DPYD: variants seen among roughly 807,000 people sequenced by gnomAD.
DPYD encodes the protein dihydropyrimidine dehydrogenase [NADP(+)].
In DPYD, 109 loss-of-function variants were observed where a neutral mutation model predicts 116.2. The observed-to-expected ratio is 0.94, with a 90% CI of 0.80 to 1.10. The LOEUF (loss-of-function observed/expected upper bound fraction) is 1.10. Ranked by LOEUF, DPYD falls within the 50% of genes least tolerant of loss-of-function variation. The pLI, the probability that DPYD is intolerant of heterozygous loss-of-function variation, is 0.00. For missense variants in DPYD, 1,302 were observed against 1,254.5 expected (o/e 1.04, Z -0.57); for synonymous variants, 440 against 432.0 (o/e 1.02, Z -0.23).
At chr1:97,905,784 G>A (rs999413831) in intron 1 of DPYD, among the ~76,000 whole-genome samples, 2 of 151,938 alleles carry the variant, frequency 1.3e-5, no homozygotes, top group African/African-American at 4.8e-5. Context: ...GGAAAAATGA[G>A]GTAACTTTTG....
In DPYD at chr1:97,078,949, T is replaced by C; in HGVS notation, c.*27A>G. 6.2e-7 allele frequency: 1 copy of C among 1,612,976 alleles called. No individual in the cohort carries two copies. Among genetic ancestry groups the C allele is most frequent in the Non-Finnish European group, 8.5e-7 (1 of 1,179,096 alleles). On this transcript the variant is annotated 3_prime_UTR_variant, in exon 23 of 23. Coordinates refer to ENST00000370192, the MANE Select transcript of DPYD (RefSeq NM_000110.4). ...TCAGCATATGTAGGTGACATGAAAG[T>C]TCACAGCAACTGTTTCACAAATCAC...
chr1:97,757,564 C>T (rs1300945079), intron 3 of DPYD, among the ~76,000 whole-genome samples: 1 of 152,038 alleles, frequency 6.6e-6, no homozygotes, highest in Non-Finnish European at 1.5e-5. Context: ...GATAACGATG[C>T]CATTGTTTGG....
chr1:97,486,105 A>G (rs1040038205), intron 13 of DPYD, among the ~76,000 whole-genome samples: 4 of 152,324 alleles, frequency 2.6e-5, no homozygotes, highest in Admixed American at 2.6e-4. Context: ...GTGACAATTC[A>G]TAATTTTAAA....
chr1:97,724,953 A>AAGAGAGAG (rs71590231), intron 4 of DPYD, among the ~76,000 whole-genome samples: 8,817 of 118,748 alleles, frequency 0.074, 455 homozygotes, highest in East Asian at 0.15. Context: ...GAGGGAAGGA[A>AAGAGAGAG]AGAGAGAGAG....
chr1:97,671,079 T>C (rs1557873414), intron 8 of DPYD, among the ~76,000 whole-genome samples: 1 of 152,032 alleles, frequency 6.6e-6, no homozygotes, highest in Non-Finnish European at 1.5e-5. Context: ...TAAAAGGTTT[T>C]TTAAAATAAA....
chr1:97,284,468 G>A (rs1045601340), intron 18 of DPYD, among the ~76,000 whole-genome samples: 6 of 151,944 alleles, frequency 3.9e-5, no homozygotes, highest in African/African-American at 1.2e-4. Context: ...TGTTAATAAT[G>A]TTCATAATAT....
chr1:97,660,968 A>T (rs1216938362), intron 8 of DPYD, among the ~76,000 whole-genome samples: 2 of 152,092 alleles, frequency 1.3e-5, no homozygotes, highest in Non-Finnish European at 2.9e-5. Flanking sequence ...TATATTAGGA[A>T]AACAAAACCC....
At chr1:97,323,636 C>A (rs867304106) in intron 16 of DPYD, among the ~76,000 whole-genome samples, 6 of 22,652 alleles carry the variant, frequency 2.6e-4, no homozygotes, top group Non-Finnish European at 5.2e-4. Context: ...ATCATATATA[C>A]ATATATGTGT....
intron 1 of DPYD, among the ~76,000 whole-genome samples, chr1:97,891,602 A>G (rs1672779729): frequency 6.6e-6 from 1 of 151,916 alleles, no homozygotes; most frequent in Non-Finnish European, 1.5e-5. Flanking sequence ...AGAATTATAC[A>G]TCTAAAGAGA....
At chr1:97,508,994 C>A (rs1261448242) in intron 13 of DPYD, among the ~76,000 whole-genome samples, 1 of 151,902 alleles carries the variant, frequency 6.6e-6, no homozygotes, top group Non-Finnish European at 1.5e-5. Context: ...GAGATACAGG[C>A]CTAATCACGT....
intron 3 of DPYD, among the ~76,000 whole-genome samples, chr1:97,793,497 T>C (rs1667415722): frequency 6.6e-6 from 1 of 152,050 alleles, no homozygotes. Context: ...AGTGTTAATA[T>C]AGAAAAAAAG....
intron 2 of DPYD, among the ~76,000 whole-genome samples, chr1:97,847,537 G>A (rs575255345): frequency 3.7e-4 from 56 of 152,224 alleles, no homozygotes; most frequent in Non-Finnish European, 4.4e-4. Flanking sequence ...ATAAAGGCAT[G>A]CTAATTTTAT....
intron 8 of DPYD, among the ~76,000 whole-genome samples, chr1:97,597,271 C>T (rs983113241): frequency 6.6e-6 from 1 of 152,172 alleles, no homozygotes; most frequent in African/African-American, 2.4e-5. Flanking sequence ...CCTCAAGGTC[C>T]ACGGAGCCCT....
At chr1:97,413,949 TATAA>T (rs1674150989) in intron 14 of DPYD, among the ~76,000 whole-genome samples, 1 of 152,154 alleles carries the variant, frequency 6.6e-6, no homozygotes. Flanking sequence ...CCAAATTATA[TATAA>T]ATAATACATA....
chr1:97,516,078 CA>C (rs36000256), intron 12 of DPYD, 137 bp from the exon 13 acceptor site: 2 of 898,894 alleles, frequency 2.2e-6, no homozygotes, highest in East Asian at 2.6e-5. Flanking sequence ...AAAAAACTGG[CA>C]AAAAGTCAGT....
At chr1:97,233,410 C>T (rs568672048) in intron 19 of DPYD, among the ~76,000 whole-genome samples, 2 of 152,146 alleles carry the variant, frequency 1.3e-5, no homozygotes, top group South Asian at 4.2e-4. Context: ...GGTAGAAGTC[C>T]AGGCTTCTGA....
At chr1:97,116,083 T>G (rs1651940040) in intron 20 of DPYD, among the ~76,000 whole-genome samples, 1 of 152,198 alleles carries the variant, frequency 6.6e-6, no homozygotes, top group African/African-American at 2.4e-5. Context: ...GAGTGAGTTC[T>G]TTTCTATTTG....
intron 19 of DPYD, among the ~76,000 whole-genome samples, chr1:97,202,240 T>A (rs1221318304): frequency 6.6e-6 from 1 of 152,190 alleles, no homozygotes; most frequent in African/African-American, 2.4e-5. Context: ...TAATTGCCAC[T>A]CATTGATCAG....
intron 16 of DPYD, among the ~76,000 whole-genome samples, chr1:97,362,230 G>C (rs1670771457): frequency 6.6e-6 from 1 of 152,108 alleles, no homozygotes; most frequent in African/African-American, 2.4e-5. Flanking sequence ...AAATACCTAG[G>C]AATGCAACTT....
Sources: allele counts gnomAD v4.1 joint callset (sites outside exome capture counted in the v4.1 genomes callset), GRCh38; gene constraint gnomAD v4.1.1; transcripts MANE v1.5; gene names NCBI Gene and HGNC (gene_info 2026-07-23, HGNC 2026-07-21).